Variants in KCMF1 observed in about 807,000 individuals in gnomAD.
KCMF1 encodes the protein potassium channel modulatory factor 1.
A neutral mutation model predicts 41.1 loss-of-function variants in KCMF1; 3 were observed. The observed-to-expected ratio is 0.07, with a 90% CI of 0.03 to 0.19. The LOEUF (loss-of-function observed/expected upper bound fraction) is 0.19. Ranked by LOEUF, KCMF1 falls within the 10% of genes least tolerant of loss-of-function variation. The pLI is 1.00. For synonymous variants in KCMF1, 142 were observed against 164.5 expected, an observed-to-expected ratio of 0.86 and a Z score of 1.04; for missense variants, 286 against 488.9, an observed-to-expected ratio of 0.58 and a Z score of 3.91.
chr2:85,017,838 CCT>C (rs1181182745), intron 1 of KCMF1, among the ~76,000 whole-genome samples: 3 of 152,100 alleles, frequency 2.0e-5, no homozygotes, highest in African/African-American at 4.8e-5. Context: ...ATATTAAAAA[CCT>C]CTTTTATTTT....
At chr2:85,031,515 T>C (rs537424669) in intron 2 of KCMF1, among the ~76,000 whole-genome samples, 2 of 152,304 alleles carry the variant, frequency 1.3e-5, no homozygotes, top group East Asian at 3.9e-4. Context: ...TTCAATAAAT[T>C]ACATAAAATA....
At chr2:85,014,512 G>T (rs1256689582) in intron 1 of KCMF1, among the ~76,000 whole-genome samples, 1 of 151,944 alleles carries the variant, frequency 6.6e-6, no homozygotes, top group Middle Eastern at 3.2e-3. Context: ...TAGGTCTTTA[G>T]CAGATTAAAA....
intron 3 of KCMF1, among the ~76,000 whole-genome samples, chr2:85,038,033 C>T (rs1675443841): frequency 6.6e-6 from 1 of 152,192 alleles, no homozygotes. Flanking sequence ...CCCAAGATGT[C>T]ATCATACACA....
intron 5 of KCMF1, 95 bp from the exon 6 acceptor site, chr2:85,049,271 A>G: frequency 1.5e-6 from 2 of 1,294,966 alleles, no homozygotes; most frequent in South Asian, 2.7e-5. Flanking sequence ...CCTGTTCACA[A>G]TGCTTTTGAT....
intron 5 of KCMF1, among the ~76,000 whole-genome samples, chr2:85,047,597 A>T (rs757795351): frequency 3.8e-5 from 4 of 104,038 alleles, no homozygotes; most frequent in Non-Finnish European, 7.6e-5. Flanking sequence ...GAAAAATCTT[A>T]AAAAAAAAAA....
intron 1 of KCMF1, among the ~76,000 whole-genome samples, chr2:84,980,729 C>T (rs1003669435): frequency 6.6e-6 from 1 of 151,906 alleles, no homozygotes; most frequent in African/African-American, 2.4e-5. Context: ...GCAGCCTCAA[C>T]CTTTGGGCTT....
intron 3 of KCMF1, among the ~76,000 whole-genome samples, chr2:85,038,589 A>G (rs1253046166): frequency 6.6e-6 from 1 of 152,226 alleles, no homozygotes; most frequent in Non-Finnish European, 1.5e-5. Context: ...TTAACTCAGT[A>G]GAATGTCTTT....
chr2:85,049,297 G>C (rs1179662195), intron 5 of KCMF1, 69 bp from the exon 6 acceptor site: 1 of 1,480,010 alleles, frequency 6.8e-7, no homozygotes, highest in Non-Finnish European at 9.3e-7. Context: ...TCCAGTAAAA[G>C]AGTGATCTGT....
intron 2 of KCMF1, among the ~76,000 whole-genome samples, chr2:85,029,598 C>CAA (rs776521159): frequency 2.0e-5 from 2 of 99,520 alleles, no homozygotes; most frequent in East Asian, 2.7e-4. Context: ...GACGCTATCT[C>CAA]AAAAAAAAAA....
intron 1 of KCMF1, among the ~76,000 whole-genome samples, chr2:85,014,774 A>G (rs939654730): frequency 4.0e-5 from 6 of 150,870 alleles, no homozygotes; most frequent in Non-Finnish European, 7.4e-5. Context: ...AGGTCTTGCT[A>G]TGTTGCCCAG....
intron 3 of KCMF1, among the ~76,000 whole-genome samples, chr2:85,039,978 A>C (rs1219400930): frequency 6.6e-6 from 1 of 151,822 alleles, no homozygotes; most frequent in Non-Finnish European, 1.5e-5. Flanking sequence ...ACGCCTGGCT[A>C]ATTTTTTTTG....
chr2:84,987,091 T>C lies in KCMF1; in HGVS notation c.16+15624T>C, dbSNP rs551615690. Among the ~76,000 whole-genome samples the C allele has an allele frequency of 9.8e-5, 15 of 152,324 alleles. 1 individual carries two copies. In the South Asian group the frequency reaches 2.5e-3, roughly 25 times the overall value. On this transcript the variant is annotated intron_variant, in intron 1 of 6. Transcript: ENST00000409785. ...AGGTTTTCTAAATTAGATAAAGCAC[T>C]GCATAAATGTAAGGTGATGGTATTT...
intron 1 of KCMF1, among the ~76,000 whole-genome samples, chr2:85,024,908 C>A (rs1443440977): frequency 6.6e-6 from 1 of 152,154 alleles, no homozygotes; most frequent in Non-Finnish European, 1.5e-5. Flanking sequence ...TCTTTCCGTT[C>A]TATTCCATGG....
chr2:85,001,186 CTCTG>C (rs200201419), intron 1 of KCMF1, among the ~76,000 whole-genome samples: 1,839 of 151,570 alleles, frequency 0.012, 46 homozygotes, highest in African/African-American at 0.043. Flanking sequence ...GAGACAGGGT[CTCTG>C]TCTGTCACCC....
At chr2:84,980,448 C>G (rs1381152690) in intron 1 of KCMF1, among the ~76,000 whole-genome samples, 4 of 152,142 alleles carry the variant, frequency 2.6e-5, no homozygotes, top group African/African-American at 9.7e-5. Context: ...ATGAAATGAA[C>G]AAGAGATGAA....
At chr2:85,020,484 A>G (rs1370586930) in intron 1 of KCMF1, among the ~76,000 whole-genome samples, 3 of 152,160 alleles carry the variant, frequency 2.0e-5, no homozygotes, top group Non-Finnish European at 4.4e-5. Context: ...GCTGGAGCGC[A>G]GTGGCACAAT....
chr2:84,989,116 CG>C (rs1673975402), intron 1 of KCMF1, among the ~76,000 whole-genome samples: 1 of 152,118 alleles, frequency 6.6e-6, no homozygotes, highest in South Asian at 2.1e-4. Flanking sequence ...CTGCTTTAAT[CG>C]ATTCTTCTAA....
chr2:85,035,412 A>G (rs1574037404), intron 3 of KCMF1, among the ~76,000 whole-genome samples: 2 of 152,358 alleles, frequency 1.3e-5, no homozygotes, highest in East Asian at 3.9e-4. Flanking sequence ...GACCAAATTC[A>G]GGAGCCCTTT....
At chr2:85,049,310 C>A in intron 5 of KCMF1, 56 bp from the exon 6 acceptor site, 1 of 1,532,928 alleles carries the variant, frequency 6.5e-7, no homozygotes, top group Non-Finnish European at 9.0e-7. Context: ...TGATCTGTAG[C>A]GTTTTGTTTT....
Sources: allele counts gnomAD v4.1 joint callset (sites outside exome capture counted in the v4.1 genomes callset), GRCh38; gene constraint gnomAD v4.1.1; transcripts MANE v1.5; gene names NCBI Gene and HGNC (gene_info 2026-07-23, HGNC 2026-07-21).